Variants in SEC31A observed in about 807,000 individuals in gnomAD.
SEC31A encodes SEC31 homolog A, COPII component.
In SEC31A, 70 loss-of-function variants were observed where a neutral mutation model predicts 151.0. That is an observed-to-expected ratio of 0.46 (90% CI 0.38 to 0.57). SEC31A has a LOEUF of 0.57. SEC31A is among the 20% of genes least tolerant of loss of function. The pLI, the probability that SEC31A is intolerant of heterozygous loss-of-function variation, is 0.00. For missense variants in SEC31A, 1,330 were observed against 1,471.2 expected, an observed-to-expected ratio of 0.90 and a Z score of 1.57; for synonymous variants, 475 against 505.9, an observed-to-expected ratio of 0.94 and a Z score of 0.82.
intron 16 of SEC31A, among the ~76,000 whole-genome samples, chr4:82,856,434 C>A (rs79195121): frequency 0.27 from 40,829 of 151,182 alleles, 6,478 homozygotes; most frequent in African/African-American, 0.44. Flanking sequence ...CAGGCGTGAG[C>A]CACTGCGCCC....
chr4:82,831,336 A>AT (rs1725891537), intron 22 of SEC31A: 1 of 158,806 alleles, frequency 6.3e-6, no homozygotes, highest in Non-Finnish European at 1.4e-5. Flanking sequence ...AAGCTCAGAA[A>AT]TATCACTGAG....
intron 1 of SEC31A, among the ~76,000 whole-genome samples, chr4:82,883,891 A>T (rs1340692342): frequency 4.0e-5 from 6 of 151,700 alleles, no homozygotes; most frequent in African/African-American, 1.2e-4. Context: ...AATGATGTAT[A>T]ACATCTTTTT....
chr4:82,846,803 C>T, intron 20 of SEC31A, among the ~76,000 whole-genome samples: 1 of 152,100 alleles, frequency 6.6e-6, no homozygotes, highest in Non-Finnish European at 1.5e-5. Context: ...CAACCTCCGC[C>T]TCCCGGGTTC....
intron 10 of SEC31A, among the ~76,000 whole-genome samples, chr4:82,865,081 G>A (rs560713931): frequency 3.9e-5 from 6 of 152,098 alleles, no homozygotes; most frequent in African/African-American, 7.2e-5. Flanking sequence ...ACAGACTTAC[G>A]AGTGACATAA....
Position 82,858,851 on chromosome 4 carries a change from C to T in SEC31A, c.1627-1087G>A, listed in dbSNP as rs1481567480. ...CCGAGTAGCTGGGACTACAGGTGCC[C>T]ACCACCATGCCTGGCTAATTTTTGT... On this transcript the variant is annotated intron_variant, in intron 14 of 26. Coordinates refer to ENST00000395310, the MANE Select transcript of SEC31A (RefSeq NM_001077207.4). Among the ~76,000 whole-genome samples the T allele has an allele frequency of 5.3e-5, 8 of 151,700 alleles. No homozygotes were observed. The East Asian group carries it at 1.4e-3, about 26-fold the overall frequency.
At position 82,867,311 on chromosome 4, in the gene SEC31A, T is replaced by A. The variant is rs1560642193; in HGVS notation, c.888A>T (p.Leu296Phe). Reference protein sequence around the residue: ...LCSNPNTGEVLYELPTNTQWC... With the variant: ...LCSNPNTGEVFYELPTNTQWC... Reference sequence around the variant, plus strand: ...ACTGTGTGTTGGTGGGAAGTTCATATAACACCTAGGCCAACAAAAAACAAA... The same window carrying A: ...ACTGTGTGTTGGTGGGAAGTTCATAAAACACCTAGGCCAACAAAAAACAAA... The change falls in exon 9 of 27, where the codon TTA (leucine) becomes TTT (phenylalanine). Residue 296 changes from leucine to phenylalanine, a missense_variant. Coordinates refer to ENST00000395310, the MANE Select transcript of SEC31A (RefSeq NM_001077207.4). The A allele has an allele frequency of 6.2e-7, 1 of 1,613,946 alleles. No individual in the cohort carries two copies. The highest frequency in any genetic ancestry group is 1.7e-4 in the Middle Eastern group (1 of 6,060).
intron 2 of SEC31A, among the ~76,000 whole-genome samples, chr4:82,881,444 G>C (rs113389378): frequency 1.5e-4 from 23 of 151,084 alleles, no homozygotes; most frequent in Admixed American, 1.1e-3. Context: ...CAGGCTGGGC[G>C]AAAGAGCAAG....
chr4:82,891,182 C>A (rs757786726), upstream of SEC31A: 1 of 1,535,012 alleles, frequency 6.5e-7, no homozygotes, highest in Non-Finnish European at 8.7e-7. Context: ...CGGCCAGGGC[C>A]ACCTCCACGT....
At chr4:82,888,378 C>T (rs866161917) in intron 1 of SEC31A, among the ~76,000 whole-genome samples, 29 of 10,584 alleles carry the variant, frequency 2.7e-3, no homozygotes, top group African/African-American at 5.9e-3. Flanking sequence ...AAAAAACACA[C>T]AAAAAACATA....
At chr4:82,844,069 T>A in intron 21 of SEC31A, 2 of 335,844 alleles carry the variant, frequency 6.0e-6, no homozygotes, top group Non-Finnish European at 1.1e-5. Context: ...AGAAAAAGAA[T>A]ATGTAAAAAA....
chr4:82,885,537 AT>A (rs983040795), intron 1 of SEC31A, among the ~76,000 whole-genome samples: 5 of 152,192 alleles, frequency 3.3e-5, no homozygotes, highest in African/African-American at 1.2e-4. Context: ...ATTAGCTTGT[AT>A]AATCTTACTG....
intron 10 of SEC31A, among the ~76,000 whole-genome samples, chr4:82,865,968 A>T: frequency 6.6e-6 from 1 of 152,086 alleles, no homozygotes; most frequent in Non-Finnish European, 1.5e-5. Flanking sequence ...CATTTTTTAC[A>T]ATTAAAATTT....
chr4:82,861,518 A>G (rs1734114033), intron 14 of SEC31A, 113 bp downstream of exon 14: 2 of 627,986 alleles, frequency 3.2e-6, no homozygotes, highest in Non-Finnish European at 5.7e-6. Flanking sequence ...AAAGAAAACA[A>G]TTTACTTCAA....
intron 3 of SEC31A, among the ~76,000 whole-genome samples, chr4:82,879,371 GAA>G (rs10629800): frequency 7.0e-6 from 1 of 143,578 alleles, no homozygotes. Context: ...ACCTTTGTCT[GAA>G]AAAAAAAAAA....
At chr4:82,875,018 C>T (rs145332183) in intron 5 of SEC31A, among the ~76,000 whole-genome samples, 1 of 152,252 alleles carries the variant, frequency 6.6e-6, no homozygotes. Context: ...CTGCTATAAA[C>T]CAAGTACTGT....
intron 22 of SEC31A, among the ~76,000 whole-genome samples, chr4:82,841,073 T>C (rs375696731): frequency 2.6e-5 from 4 of 152,204 alleles, no homozygotes; most frequent in Non-Finnish European, 5.9e-5. Flanking sequence ...GTAATAACAC[T>C]TAGCTTAAAA....
chr4:82,869,295 T>C (rs1271906103), intron 8 of SEC31A, among the ~76,000 whole-genome samples: 2 of 148,532 alleles, frequency 1.3e-5, no homozygotes, highest in African/African-American at 2.5e-5. Context: ...AATTTTTTTG[T>C]ATTTTTTTTT....
intron 12 of SEC31A, 157 bp downstream of exon 12, chr4:82,863,160 TG>T (rs1734555103): frequency 3.6e-6 from 2 of 558,704 alleles, no homozygotes; most frequent in Non-Finnish European, 6.2e-6. Context: ...TGGGTAATGA[TG>T]GAGAATAAGA....
intron 22 of SEC31A, among the ~76,000 whole-genome samples, chr4:82,840,511 T>C (rs1728481481): frequency 6.6e-6 from 1 of 152,262 alleles, no homozygotes; most frequent in Admixed American, 6.5e-5. Flanking sequence ...GCATACAGTG[T>C]GTATGTGTGT....
Sources: gnomAD v4.1 joint callset for allele counts (sites outside exome capture counted in the v4.1 genomes callset) on GRCh38, gnomAD v4.1.1 for gene constraint, MANE v1.5 for transcripts, NCBI Gene and HGNC (gene_info 2026-07-23, HGNC 2026-07-21) for gene names.